Variants in SCAF11 observed in about 807,000 individuals in gnomAD.
SCAF11 encodes the protein protein SCAF11.
A neutral mutation model predicts 140.5 loss-of-function variants in SCAF11; 47 were observed. That is an observed-to-expected ratio of 0.33 (90% confidence interval 0.26 to 0.43). The LOEUF (loss-of-function observed/expected upper bound fraction) is 0.43, where lower values mean the gene tolerates loss of function less well. Ranked by LOEUF, SCAF11 falls within the 20% of genes least tolerant of loss-of-function variation. SCAF11 has a pLI of 1.00. For synonymous variants in SCAF11, 557 were observed against 579.4 expected (o/e 0.96, Z 0.55); for missense variants, 1,645 against 1,705.1 (o/e 0.96, Z 0.62).
At chr12:45,984,482 T>C (rs145422545) in intron 1 of SCAF11, among the ~76,000 whole-genome samples, 111 of 152,322 alleles carry the variant, frequency 7.3e-4, no homozygotes, top group African/African-American at 2.5e-3. Context: ...GATAACTTGA[T>C]TGAGGTAATA....
rs1418769857 is a variant in SCAF11 at position 45,928,282 on chromosome 12, T to C, written c.1419A>G (p.Ser473=). Residue 473 remains serine, a synonymous_variant, in exon 11 of 15, where the codon TCA becomes TCG. Coordinates refer to ENST00000369367, the MANE Select transcript of SCAF11 (RefSeq NM_004719.3). Reference sequence around the variant, plus strand: ...GATCTTGAGCACAAGACTCAGAAGATGAAGATCCTACTCTTTCCTCTGTAT... The same window carrying C: ...GATCTTGAGCACAAGACTCAGAAGACGAAGATCCTACTCTTTCCTCTGTAT... ...NYDTEERVGS[S]SSESCAQDLP... 6.2e-7 allele frequency: 1 copy of C among 1,613,886 alleles called. No homozygotes were observed. The highest frequency in any genetic ancestry group is 1.3e-5 in the African/African-American group (1 of 74,934).
intron 1 of SCAF11, among the ~76,000 whole-genome samples, chr12:45,970,451 C>G (rs1946046965): frequency 2.0e-5 from 3 of 152,242 alleles, no homozygotes; most frequent in Admixed American, 6.5e-5. Context: ...CAAGCCCAAT[C>G]CTGCCATGAC....
At chr12:45,965,023 T>C (rs1454520315) in intron 1 of SCAF11, among the ~76,000 whole-genome samples, 1 of 152,130 alleles carries the variant, frequency 6.6e-6, no homozygotes, top group Admixed American at 6.6e-5. Flanking sequence ...CCATGAATTT[T>C]ATCTGAAAAA....
intron 1 of SCAF11, among the ~76,000 whole-genome samples, chr12:45,970,189 C>A (rs1304864116): frequency 6.6e-6 from 1 of 152,098 alleles, no homozygotes; most frequent in South Asian, 2.1e-4. Flanking sequence ...CCACCGCGCC[C>A]GGCCTCAACT....
At chr12:45,939,673 T>C (rs1196684634) in intron 6 of SCAF11, among the ~76,000 whole-genome samples, 2 of 152,148 alleles carry the variant, frequency 1.3e-5, no homozygotes, top group Admixed American at 6.5e-5. Flanking sequence ...GATCGTGCCA[T>C]TGCACTCTAG....
rs200034095 is a variant in SCAF11 at position 45,922,038 on chromosome 12, G to A, written c.*10C>T. On this transcript the variant is annotated 3_prime_UTR_variant, in exon 15 of 15. Transcript: ENST00000369367. ...ATATCCTGATAATGTCCTTGACAGC[G>A]TTCCCCATTTCAGCCTATGTTTTTT... 86 of 1,606,178 alleles carry A rather than the reference G, an allele frequency of 5.4e-5. No individual in the cohort carries two copies. Among genetic ancestry groups the A allele is most frequent in the Non-Finnish European group, 6.8e-5 (80 of 1,177,930 alleles).
intron 3 of SCAF11, among the ~76,000 whole-genome samples, chr12:45,959,699 A>C (rs1945779587): frequency 6.6e-6 from 1 of 152,250 alleles, no homozygotes; most frequent in South Asian, 2.1e-4. Flanking sequence ...TAAAAGATTC[A>C]AACTGAAAAC....
intron 1 of SCAF11, among the ~76,000 whole-genome samples, chr12:45,982,276 T>C (rs1946365751): frequency 6.6e-6 from 1 of 152,152 alleles, no homozygotes. Context: ...TATGATGAAG[T>C]TTTCAGGTGA....
intron 2 of SCAF11, 29 bp from the exon 3 acceptor site, chr12:45,961,886 T>A (rs1276175029): frequency 1.4e-5 from 22 of 1,561,146 alleles, no homozygotes; most frequent in Non-Finnish European, 1.9e-5. Flanking sequence ...CATATGTGCT[T>A]TCAAGTTCTC....
At chr12:45,971,944 G>A (rs188333960) in intron 1 of SCAF11, among the ~76,000 whole-genome samples, 2 of 152,174 alleles carry the variant, frequency 1.3e-5, no homozygotes, top group East Asian at 3.9e-4. Context: ...CCAATTTTCT[G>A]GCCAAAAGAC....
At position 45,926,717 on chromosome 12, in the gene SCAF11, T is replaced by C; in HGVS notation, c.2984A>G (p.Asn995Ser). The part of the protein sequence containing the change: ...RKNDPEKQNE[N>S]TRKEKNDIHL... The stretch of plus-strand genomic sequence containing the variant: ...GATGTCATTTTTTTCTTTTCTTGTA[T>C]TTTCATTCTGTTTCTCTGGGTCATT... Residue 995 changes from asparagine (N) to serine (S), a missense_variant, in exon 11 of 15, where the codon AAT becomes AGT. Transcript: ENST00000369367. 6.2e-7 allele frequency: 1 copy of C among 1,613,370 alleles called. No homozygotes were observed. Among genetic ancestry groups the C allele is most frequent in the African/African-American group, 1.3e-5 (1 of 74,906 alleles).
At chr12:45,943,554 T>C (rs897105959) in intron 6 of SCAF11, among the ~76,000 whole-genome samples, 20 of 152,206 alleles carry the variant, frequency 1.3e-4, no homozygotes, top group Admixed American at 1.1e-3. Flanking sequence ...TATGTACATA[T>C]AGGAAAAAAC....
chr12:45,931,577 A>C lies in SCAF11; in HGVS notation c.770T>G (p.Val257Gly). The C allele has an allele frequency of 6.5e-7, 1 of 1,537,168 alleles. No homozygotes were observed. ...CAACACAGAAGAAATGAGAGGAAGG[A>C]CTTCTGTTTCAACATTCCAGGGTAT... ...GFIPWNVETEVLPLISSVLPR... is the reference protein window; with the variant it reads ...GFIPWNVETEGLPLISSVLPR... Residue 257 changes from valine (V) to glycine (G), a missense_variant, in exon 10 of 15, where the codon GTC (valine) becomes GGC (glycine). Val to Gly is a moderately radical substitution (Grantham distance 109, BLOSUM62 -3). This residue lies in a region of SCAF11 where 1,582 missense variants were observed against 1,609.2 expected (regional missense o/e 0.98). Coordinates refer to ENST00000369367, the MANE Select transcript of SCAF11 (RefSeq NM_004719.3).
chr12:45,984,635 T>C (rs556929046), intron 1 of SCAF11, among the ~76,000 whole-genome samples: 1 of 152,264 alleles, frequency 6.6e-6, no homozygotes, highest in East Asian at 1.9e-4. Flanking sequence ...ATCTCAGCTT[T>C]GGCTAGTGAA....
chr12:45,934,120 A>T, intron 8 of SCAF11, 56 bp downstream of exon 8: 1 of 898,786 alleles, frequency 1.1e-6, no homozygotes, highest in Non-Finnish European at 1.6e-6. Flanking sequence ...AGCAAAAGTT[A>T]ATAATTATTA....
intron 1 of SCAF11, among the ~76,000 whole-genome samples, chr12:45,985,146 C>G (rs532743294): frequency 2.0e-5 from 3 of 152,302 alleles, no homozygotes; most frequent in African/African-American, 7.2e-5. Context: ...ATTTCAATGT[C>G]TATGTGTAGA....
chr12:45,921,713 A>C lies in SCAF11; in HGVS notation c.*335T>G. The C allele has an allele frequency of 5.7e-6, 1 of 176,638 alleles. No homozygotes were observed. Among genetic ancestry groups the C allele is most frequent in the Non-Finnish European group, 1.2e-5 (1 of 84,146 alleles). 10.9% of individuals were successfully genotyped at this position (176,638 alleles called of 1,614,324 possible). A position where few individuals can be genotyped will look rare whatever the true frequency, so the allele number is the denominator to read the frequency against. ...TATCTCTTTGAAAACCAGTGCACTT[A>C]GAAGTTTCTAATTTATGCACTCCAT... On this transcript the variant is annotated 3_prime_UTR_variant, in exon 15 of 15. Coordinates refer to ENST00000369367, the MANE Select transcript of SCAF11 (RefSeq NM_004719.3).
chr12:45,949,859 C>T (rs535365190), intron 4 of SCAF11, among the ~76,000 whole-genome samples: 22 of 152,118 alleles, frequency 1.4e-4, no homozygotes, highest in Admixed American at 5.2e-4. Flanking sequence ...TCCAAATATA[C>T]GTAGTACTTA....
At chr12:45,923,253 C>T (rs909283788) in intron 12 of SCAF11, 99 bp from the exon 13 acceptor site, 15 of 994,976 alleles carry the variant, frequency 1.5e-5, no homozygotes, top group African/African-American at 3.2e-5. Flanking sequence ...CAAAGCAAAC[C>T]AACCTTAGTA....
Sources: allele counts gnomAD v4.1 joint callset (sites outside exome capture counted in the v4.1 genomes callset), GRCh38; gene constraint gnomAD v4.1.1; regional missense constraint gnomAD v4.1.1; transcripts MANE v1.5; gene names NCBI Gene and HGNC (gene_info 2026-07-23, HGNC 2026-07-21).